Variants in NOX4 observed in about 807,000 individuals in gnomAD.
NOX4 encodes NADPH oxidase 4.
Under a neutral mutation model 87.6 loss-of-function variants are expected in NOX4, and 69 were observed. That is an observed-to-expected ratio of 0.79 (90% confidence interval 0.65 to 0.96). The LOEUF (loss-of-function observed/expected upper bound fraction) is 0.96. Ranked by LOEUF, NOX4 falls within the 40% of genes least tolerant of loss-of-function variation. The pLI is 0.00. For synonymous variants in NOX4, 275 were observed against 238.2 expected, an observed-to-expected ratio of 1.15 and a Z score of -1.42; for missense variants, 680 against 681.5, an observed-to-expected ratio of 1.00 and a Z score of 0.02.
intron 11 of NOX4, among the ~76,000 whole-genome samples, chr11:89,398,754 C>T (rs1941647914): frequency 6.6e-6 from 1 of 151,686 alleles, no homozygotes; most frequent in African/African-American, 2.4e-5. Context: ...TCTCTGTTCT[C>T]AATTATCTTT....
chr11:89,557,892 A>T, the NOX4 span, among the ~76,000 whole-genome samples: 1 of 152,196 alleles, frequency 6.6e-6, no homozygotes, highest in African/African-American at 2.4e-5. Flanking sequence ...GGGCAAGGAA[A>T]TCCAACTTGA....
intron 10 of NOX4, 25 bp from the exon 11 acceptor site, chr11:89,400,104 T>G (rs1396267700): frequency 6.3e-7 from 1 of 1,585,056 alleles, no homozygotes; most frequent in Admixed American, 1.7e-5. Flanking sequence ...ACAGATAAGT[T>G]TTAAATGACC....
At chr11:89,494,338 AAC>A (rs1487337506), upstream of NOX4, among the ~76,000 whole-genome samples, 1 of 152,336 alleles carries the variant, frequency 6.6e-6, no homozygotes, top group East Asian at 1.9e-4. Flanking sequence ...ATATTACTTA[AAC>A]ACAGAAACTT....
At chr11:89,387,522 G>A (rs1307522399) in intron 11 of NOX4, among the ~76,000 whole-genome samples, 3 of 152,082 alleles carry the variant, frequency 2.0e-5, no homozygotes, top group Non-Finnish European at 4.4e-5. Flanking sequence ...CTCACACAAA[G>A]CCTGTTTGGT....
At chr11:89,486,302 T>G in intron 2 of NOX4, among the ~76,000 whole-genome samples, 1 of 148,774 alleles carries the variant, frequency 6.7e-6, no homozygotes, top group Admixed American at 6.7e-5. Context: ...TTTATTTATT[T>G]AAATATTTAT....
At chr11:89,463,869 T>C (rs1945570507) in intron 2 of NOX4, among the ~76,000 whole-genome samples, 1 of 151,858 alleles carries the variant, frequency 6.6e-6, no homozygotes, top group African/African-American at 2.4e-5. Context: ...CATTTGAGAG[T>C]GATAGGTTTT....
the NOX4 span, among the ~76,000 whole-genome samples, chr11:89,559,454 T>C: frequency 6.6e-6 from 1 of 152,252 alleles, no homozygotes; most frequent in Non-Finnish European, 1.5e-5. Flanking sequence ...TTTGTACTGG[T>C]AGCTGATTTC....
chr11:89,561,982 G>A, the NOX4 span, among the ~76,000 whole-genome samples: 1 of 152,082 alleles, frequency 6.6e-6, no homozygotes, highest in Non-Finnish European at 1.5e-5. Context: ...CCAGGGAAAG[G>A]GAACAGCAAG....
the NOX4 span, among the ~76,000 whole-genome samples, chr11:89,529,496 A>C: frequency 6.6e-6 from 1 of 152,288 alleles, no homozygotes; most frequent in Admixed American, 6.5e-5. Flanking sequence ...AAGTAGTTAA[A>C]TACCTGGGAA....
At position 89,365,753 on chromosome 11, in the gene NOX4, C is replaced by CAAAAAAAAAAA. The variant is rs1213376592; in HGVS notation, c.1135+7668_1135+7678dup. Reference sequence around the variant, plus strand: ...TTATCCAAGACCAAGACCACGCCCACAAAAAAAAAAAAAAAAAAAAAAACA... The same window carrying CAAAAAAAAAAA: ...TTATCCAAGACCAAGACCACGCCCACAAAAAAAAAAAAAAAAAAAAAAAAAAAAAAAAAACA... On this transcript the variant is annotated intron_variant, in intron 12 of 17. Transcript: ENST00000263317. Among the ~76,000 whole-genome samples the CAAAAAAAAAAA allele has an allele frequency of 8.8e-4, 50 of 56,636 alleles. 1 individual carries two copies. Among genetic ancestry groups the CAAAAAAAAAAA allele is most frequent in the African/African-American group, 3.0e-3 (45 of 14,842 alleles). 37.2% of individuals were successfully genotyped at this position (56,636 alleles called of 152,430 possible). A position where few individuals can be genotyped will look rare whatever the true frequency, so the allele number is the denominator to read the frequency against.
intron 13 of NOX4, among the ~76,000 whole-genome samples, chr11:89,346,821 C>A (rs1470792903): frequency 2.0e-5 from 3 of 152,200 alleles, no homozygotes; most frequent in Non-Finnish European, 4.4e-5. Context: ...AAAATCTTTA[C>A]AATTTAAGCA....
Position 89,491,352 on chromosome 11 carries a change from A to C in NOX4, c.-106T>G, listed in dbSNP as rs1205208571. 2 of 1,067,104 alleles carry C rather than the reference A, an allele frequency of 1.9e-6. No individual in the cohort carries two copies. Among genetic ancestry groups the C allele is most frequent in the East Asian group, 5.3e-5 (2 of 37,410 alleles). The allele number at this position is 1,067,104 out of a possible 1,614,324, so 66.1% of individuals were successfully genotyped here. A position where few individuals can be genotyped will look rare whatever the true frequency, so the allele number is the denominator to read the frequency against. On this transcript the variant is annotated 5_prime_UTR_variant, in exon 1 of 18. Transcript: ENST00000263317. Reference sequence around the variant, plus strand: ...GTGCGGCCTGCCGGGCCGCTGAGCGAGGACCGAGGGTCAAAGACTGAGTGG... The same window carrying C: ...GTGCGGCCTGCCGGGCCGCTGAGCGCGGACCGAGGGTCAAAGACTGAGTGG...
At chr11:89,445,776 C>T (rs1013667542) in intron 4 of NOX4, among the ~76,000 whole-genome samples, 14 of 152,000 alleles carry the variant, frequency 9.2e-5, no homozygotes, top group East Asian at 1.9e-4. Flanking sequence ...AAAGGATACA[C>T]GGGAAAAAGT....
At chr11:89,529,190 A>T in the NOX4 span, among the ~76,000 whole-genome samples, 1 of 152,214 alleles carries the variant, frequency 6.6e-6, no homozygotes, top group Non-Finnish European at 1.5e-5. Context: ...CTGATGTTGC[A>T]TCTAATCCCT....
the NOX4 span, chr11:89,533,614 T>G: frequency 1.3e-5 from 2 of 152,090 alleles, no homozygotes; most frequent in African/African-American, 4.8e-5. Context: ...TTCTTTTCTG[T>G]TAAGCCTTTA....
the NOX4 span, among the ~76,000 whole-genome samples, chr11:89,536,762 T>C: frequency 6.6e-6 from 1 of 152,182 alleles, no homozygotes; most frequent in African/African-American, 2.4e-5. Flanking sequence ...CTAGATACTA[T>C]GTCTGGCGTA....
At chr11:89,517,738 C>T in the NOX4 span, among the ~76,000 whole-genome samples, 2 of 151,956 alleles carry the variant, frequency 1.3e-5, no homozygotes, top group Non-Finnish European at 2.9e-5. Flanking sequence ...CCACCTCAGC[C>T]TGCCAAAATG....
rs188880748 is a variant in NOX4 at position 89,419,639 on chromosome 11, T to A, written c.629+2263A>T. Among the ~76,000 whole-genome samples the A allele has an allele frequency of 3.0e-3, 456 of 152,000 alleles. 4 individuals carry two copies. Among genetic ancestry groups the A allele is most frequent in the African/African-American group, 0.011 (441 of 41,550 alleles). ...ATATTAATTTAGTTTAATAATTGAT[T>A]GATTATATATAATTCATCCTATAGA... On this transcript the variant is annotated intron_variant, in intron 8 of 17. Transcript: ENST00000263317.
At chr11:89,568,321 A>G in the NOX4 span, among the ~76,000 whole-genome samples, 1 of 152,238 alleles carries the variant, frequency 6.6e-6, no homozygotes, top group African/African-American at 2.4e-5. Flanking sequence ...TTGAAAGAAT[A>G]AGATTGATAG....
Sources: gnomAD v4.1 joint callset for allele counts (sites outside exome capture counted in the v4.1 genomes callset) on GRCh38, gnomAD v4.1.1 for gene constraint, MANE v1.5 for transcripts, NCBI Gene and HGNC (gene_info 2026-07-23, HGNC 2026-07-21) for gene names.